DOCK9: variants seen among roughly 807,000 people sequenced by gnomAD.
The protein encoded by DOCK9 is dedicator of cytokinesis protein 9.
Under a neutral mutation model 263.3 loss-of-function variants are expected in DOCK9, and 89 were observed. The observed-to-expected ratio is 0.34, with a 90% CI of 0.28 to 0.40. The LOEUF is 0.40. DOCK9 is among the 10% of genes least tolerant of loss of function. The probability of loss-of-function intolerance (pLI) is 1.00; values close to 1 mark genes in which losing one functional copy is unlikely to be tolerated. For missense variants in DOCK9, 2,140 were observed against 2,603.4 expected, an observed-to-expected ratio of 0.82 and a Z score of 3.87; for synonymous variants, 976 against 973.1, an observed-to-expected ratio of 1.00 and a Z score of -0.06.
intron 27 of DOCK9, among the ~76,000 whole-genome samples, chr13:98,871,458 C>T (rs2094183416): frequency 6.6e-6 from 1 of 152,182 alleles, no homozygotes; most frequent in African/African-American, 2.4e-5. Flanking sequence ...TGAAGTTCTC[C>T]CTGCAGTGGC....
rs1285386353 is a variant in DOCK9, at chr13:98,902,339, T to C, written c.1329A>G (p.Pro443=). The part of the protein sequence containing the change: ...PALMNGSGQS[P]SVLKGILHEA... ...CATGAAGGATGCCCTTGAGGACAGA[T>C]GGGCTCTGCCCACTGCCATTCATCA... is the stretch of plus-strand genomic sequence containing the variant. Residue 443 remains proline, a synonymous_variant, in exon 12 of 53, where the codon CCA becomes CCG. Transcript: ENST00000682017. The C allele has an allele frequency of 1.9e-6, 3 of 1,614,026 alleles. No homozygotes were observed. The highest frequency in any genetic ancestry group is 1.7e-6 in the Non-Finnish European group (2 of 1,179,890).
intron 1 of DOCK9, among the ~76,000 whole-genome samples, chr13:98,994,702 C>A (rs902248614): frequency 2.0e-5 from 3 of 151,758 alleles, no homozygotes; most frequent in Non-Finnish European, 4.4e-5. Flanking sequence ...TCAATTAATT[C>A]ATTGTTCCTT....
intron 1 of DOCK9, among the ~76,000 whole-genome samples, chr13:99,047,428 A>C (rs1338230259): frequency 6.6e-6 from 1 of 151,878 alleles, no homozygotes; most frequent in Non-Finnish European, 1.5e-5. Flanking sequence ...GCCTAAGAAC[A>C]TCTTCTTAGT....
rs532175256 is a variant in DOCK9, at chr13:98,998,441, C to T, written c.130-42890G>A. Among the ~76,000 whole-genome samples the T allele has an allele frequency of 2.0e-5, 3 of 152,252 alleles. No homozygotes were observed. The South Asian group carries it at 6.2e-4, about 32-fold the overall frequency. On this transcript the variant is annotated intron_variant, in intron 1 of 32. Transcript: ENST00000427887. Reference sequence around the variant, plus strand: ...AGCACTCGAAAATCCTTTTTAACCTCGGATGCACTTACAGCACTCATGGCC... The same window carrying T: ...AGCACTCGAAAATCCTTTTTAACCTTGGATGCACTTACAGCACTCATGGCC...
chr13:98,815,546 T>C (rs2091764993), intron 45 of DOCK9, among the ~76,000 whole-genome samples: 1 of 152,208 alleles, frequency 6.6e-6, no homozygotes, highest in African/African-American at 2.4e-5. Context: ...AGTGGCACGA[T>C]CTTGGCTCAC....
intron 2 of DOCK9, among the ~76,000 whole-genome samples, chr13:98,930,768 C>G (rs1210809480): frequency 6.6e-6 from 1 of 152,116 alleles, no homozygotes; most frequent in Non-Finnish European, 1.5e-5. Context: ...TCTCAGCCTC[C>G]CGAGTAGCTG....
At chr13:98,877,838 T>C (rs1485739942) in intron 27 of DOCK9, among the ~76,000 whole-genome samples, 2 of 152,322 alleles carry the variant, frequency 1.3e-5, no homozygotes, top group South Asian at 4.1e-4. Context: ...AGTTGCAGAA[T>C]GAATTGGTTA....
intron 52 of DOCK9, 21 bp downstream of exon 52, chr13:98,797,094 T>C: frequency 6.2e-7 from 1 of 1,613,934 alleles, no homozygotes; most frequent in Non-Finnish European, 8.5e-7. Flanking sequence ...TCCAAGTTGT[T>C]GGAGCCAGTG....
chr13:98,862,838 G>C (rs1337286662), intron 32 of DOCK9, among the ~76,000 whole-genome samples, 181 bp downstream of exon 32: 1 of 152,170 alleles, frequency 6.6e-6, no homozygotes, highest in South Asian at 2.1e-4. Context: ...GCTGTGAGAG[G>C]AGCATGGCCC....
At chr13:98,993,657 C>T (rs1880331711) in intron 1 of DOCK9, among the ~76,000 whole-genome samples, 2 of 152,156 alleles carry the variant, frequency 1.3e-5, no homozygotes, top group Admixed American at 6.5e-5. Context: ...AGGAGAATGG[C>T]GTGAACCCGG....
intron 44 of DOCK9, 134 bp downstream of exon 44, chr13:98,826,696 G>A (rs1325165362): frequency 2.9e-6 from 2 of 684,062 alleles, no homozygotes; most frequent in Non-Finnish European, 4.9e-6. Context: ...TCACGCCAGG[G>A]GATAAAACAA....
chr13:99,015,624 G>A (rs1244568168), intron 1 of DOCK9: 2 of 1,579,806 alleles, frequency 1.3e-6, no homozygotes, highest in East Asian at 4.5e-5. Context: ...AGGTGTGGAT[G>A]TTCAGTTTTT....
intron 1 of DOCK9, chr13:99,015,637 G>T (rs775657923): frequency 1.9e-6 from 3 of 1,572,592 alleles, no homozygotes; most frequent in Admixed American, 1.7e-5. Context: ...CAGTTTTTTA[G>T]CAATCTCTAC....
chr13:98,881,503 A>G (rs1285533017), intron 25 of DOCK9, 55 bp downstream of exon 25: 6 of 1,455,994 alleles, frequency 4.1e-6, no homozygotes, highest in Admixed American at 2.1e-5. Flanking sequence ...AAGTCCTTAG[A>G]AGGAAAACTG....
At chr13:98,826,362 C>T (rs1323833882) in intron 44 of DOCK9, among the ~76,000 whole-genome samples, 1 of 152,174 alleles carries the variant, frequency 6.6e-6, no homozygotes, top group Non-Finnish European at 1.5e-5. Flanking sequence ...AATGAAGCGT[C>T]ACTCCTCGCC....
At chr13:99,042,091 G>A (rs992568577) in intron 1 of DOCK9, among the ~76,000 whole-genome samples, 2 of 152,188 alleles carry the variant, frequency 1.3e-5, no homozygotes, top group African/African-American at 4.8e-5. Context: ...GGACCAATAT[G>A]GTTAACATGG....
At position 98,863,450 on chromosome 13, in the gene DOCK9, G is replaced by A. The variant is rs377041158; in HGVS notation, c.3385C>T (p.Arg1129Trp). 1.1e-5 allele frequency: 18 copies of A among 1,613,774 alleles called. No individual in the cohort carries two copies. Among genetic ancestry groups the A allele is most frequent in the South Asian group, 2.2e-5 (2 of 91,054 alleles). ...REVGTALQEFREVRLIAISVL... is the reference protein window; with the variant it reads ...REVGTALQEFWEVRLIAISVL... ...CTGATGGCGATCAGACGGACCTCCC[G>A]GAACTCCTGGAGGGCTGTCCCCACC... The change falls in exon 31 of 53, where the codon CGG becomes TGG. Residue 1129 changes from arginine to tryptophan, a missense_variant. Physicochemically the swap from Arg to Trp is moderately radical, Grantham distance 101. Coordinates refer to ENST00000682017, the MANE Select transcript of DOCK9 (RefSeq NM_001366683.2).
At chr13:98,969,916 T>C (rs1026847758) in intron 1 of DOCK9, among the ~76,000 whole-genome samples, 3 of 152,224 alleles carry the variant, frequency 2.0e-5, no homozygotes, top group African/African-American at 7.2e-5. Flanking sequence ...AAGGAAGCTA[T>C]GCTTTGCGTT....
At position 98,892,101 on chromosome 13, in the gene DOCK9, T is replaced by TA. The variant is rs529185308; in HGVS notation, c.1710-3391dup. Among the ~76,000 whole-genome samples the TA allele has an allele frequency of 1.2e-4, 18 of 152,320 alleles. No individual in the cohort carries two copies. The East Asian group carries it at 2.9e-3, about 24-fold the overall frequency. ...AATCCTTGAACATGAAAACTCATCT[T>TA]AAAATTACACGAATTAAGTAAGCAT... is the stretch of plus-strand genomic sequence containing the variant. On this transcript the variant is annotated intron_variant, in intron 15 of 52. Transcript: ENST00000682017.
Sources: gnomAD v4.1 joint callset for allele counts (sites outside exome capture counted in the v4.1 genomes callset) on GRCh38, gnomAD v4.1.1 for gene constraint, MANE v1.5 for transcripts, NCBI Gene and HGNC (gene_info 2026-07-23, HGNC 2026-07-21) for gene names.